The following FOXN3 variants were observed in gnomAD, a reference collection of about 807,000 sequenced individuals.
The protein encoded by FOXN3 is forkhead box N3, also known as forkhead box protein N3.
FOXN3 carries 7 observed loss-of-function variants against 38.4 expected under a neutral mutation model. The ratio of observed to expected loss-of-function variants is 0.18; its 90% CI spans 0.10 to 0.34. FOXN3 has a LOEUF of 0.34. Ranked by LOEUF, FOXN3 falls within the 10% of genes least tolerant of loss-of-function variation. The pLI, the probability that FOXN3 is intolerant of heterozygous loss-of-function variation, is 1.00. For synonymous variants in FOXN3, 230 were observed against 242.2 expected (o/e 0.95, Z 0.47); for missense variants, 456 against 613.4 (o/e 0.74, Z 2.71).
Position 89,274,114 on chromosome 14 carries a change from G to GAA in FOXN3, c.745+6834_745+6835dup, listed in dbSNP as rs1596146463. Among the ~76,000 whole-genome samples, 5 of 152,260 alleles carry GAA rather than the reference G, an allele frequency of 3.3e-5. No individual in the cohort carries two copies. The East Asian group carries it at 9.7e-4, about 30-fold the overall frequency. On this transcript the variant is annotated intron_variant, in intron 4 of 5. Transcript: ENST00000557258. ...GGGGCTTCAAGCTCCAACCAAATGG[G>GAA]AAAGCAATGAGTGGGCGAGGGTCAG...
intron 1 of FOXN3, among the ~76,000 whole-genome samples, chr14:89,497,857 C>T (rs545895712): frequency 2.0e-5 from 3 of 152,232 alleles, no homozygotes; most frequent in East Asian, 1.9e-4. Context: ...ATTCCTACAG[C>T]GGTGTCCAAG....
chr14:89,337,636 C>CT (rs5810454), intron 3 of FOXN3, among the ~76,000 whole-genome samples: 2,725 of 144,802 alleles, frequency 0.019, 92 homozygotes, highest in African/African-American at 0.064. Flanking sequence ...CTTTTCTTTT[C>CT]TTTTTTTTTT....
intron 3 of FOXN3, among the ~76,000 whole-genome samples, chr14:89,324,439 TGTGC>T (rs1309090918): frequency 1.8e-4 from 20 of 110,412 alleles, no homozygotes; most frequent in African/African-American, 6.3e-4. Context: ...CAGCTAAGTG[TGTGC>T]GTGTGTGTGT....
At chr14:89,315,572 C>A (rs1028077121) in intron 3 of FOXN3, among the ~76,000 whole-genome samples, 1 of 152,108 alleles carries the variant, frequency 6.6e-6, no homozygotes, top group Admixed American at 6.6e-5. Context: ...GTCCACAGCA[C>A]GGTTAGAGGA....
intron 3 of FOXN3, among the ~76,000 whole-genome samples, chr14:89,339,546 G>A (rs1405987765): frequency 6.6e-6 from 1 of 152,196 alleles, no homozygotes; most frequent in African/African-American, 2.4e-5. Flanking sequence ...CAATGCTGGG[G>A]AGGCAGAAGG....
intron 3 of FOXN3, among the ~76,000 whole-genome samples, chr14:89,332,727 T>C (rs1566958892): frequency 6.6e-6 from 1 of 152,188 alleles, no homozygotes; most frequent in Non-Finnish European, 1.5e-5. Flanking sequence ...AAAAAGTTTT[T>C]TGTACAGCAA....
chr14:89,222,273 T>G (rs1169999135), intron 4 of FOXN3, among the ~76,000 whole-genome samples: 1 of 152,146 alleles, frequency 6.6e-6, no homozygotes, highest in Non-Finnish European at 1.5e-5. Flanking sequence ...CAACTAAAGC[T>G]GGGAATATAC....
At chr14:89,469,242 G>A (rs1893043784) in intron 1 of FOXN3, among the ~76,000 whole-genome samples, 1 of 152,112 alleles carries the variant, frequency 6.6e-6, no homozygotes, top group Non-Finnish European at 1.5e-5. Flanking sequence ...ACCCTAAGAT[G>A]CCCAGACCCA....
intron 5 of FOXN3, among the ~76,000 whole-genome samples, chr14:89,173,517 T>C (rs1228873054): frequency 6.6e-6 from 1 of 152,204 alleles, no homozygotes; most frequent in Non-Finnish European, 1.5e-5. Flanking sequence ...GCTTGTAATA[T>C]CAAAGAACTA....
intron 4 of FOXN3, among the ~76,000 whole-genome samples, chr14:89,276,875 T>C (rs1886315704): frequency 6.6e-6 from 1 of 152,170 alleles, no homozygotes; most frequent in African/African-American, 2.4e-5. Flanking sequence ...AAGTAGGATA[T>C]AAAATCAGCA....
intron 2 of FOXN3, among the ~76,000 whole-genome samples, chr14:89,388,534 C>G (rs1235329775): frequency 6.6e-6 from 1 of 152,114 alleles, no homozygotes; most frequent in Non-Finnish European, 1.5e-5. Context: ...ACCTCTGGAG[C>G]CCCCTGCACA....
intron 1 of FOXN3, among the ~76,000 whole-genome samples, chr14:89,556,210 C>G (rs1358592762): frequency 6.6e-6 from 1 of 151,970 alleles, no homozygotes; most frequent in African/African-American, 2.4e-5. Flanking sequence ...TTGAGACCAG[C>G]CTGACCAACA....
intron 4 of FOXN3, among the ~76,000 whole-genome samples, chr14:89,194,951 T>TA (rs1331154245): frequency 6.6e-6 from 1 of 152,208 alleles, no homozygotes; most frequent in African/African-American, 2.4e-5. Flanking sequence ...TCCTGCAACT[T>TA]AAAATTTTTT....
chr14:89,380,249 A>G (rs759194456), intron 2 of FOXN3, among the ~76,000 whole-genome samples: 2 of 152,194 alleles, frequency 1.3e-5, no homozygotes, highest in Non-Finnish European at 2.9e-5. Context: ...TCTCTTTGCC[A>G]GCCACCATGT....
chr14:89,601,470 A>T (rs537529346), intron 1 of FOXN3, among the ~76,000 whole-genome samples: 5 of 152,370 alleles, frequency 3.3e-5, no homozygotes, highest in African/African-American at 1.2e-4. Flanking sequence ...AATTTAACTT[A>T]GGTCCATATG....
At chr14:89,387,419 T>C (rs1214991087) in intron 2 of FOXN3, among the ~76,000 whole-genome samples, 2 of 152,142 alleles carry the variant, frequency 1.3e-5, no homozygotes, top group Non-Finnish European at 2.9e-5. Flanking sequence ...TAAACAGCCA[T>C]GTGAGAAAGG....
chr14:89,526,751 A>G (rs1377574973), intron 1 of FOXN3, among the ~76,000 whole-genome samples: 1 of 152,202 alleles, frequency 6.6e-6, no homozygotes, highest in African/African-American at 2.4e-5. Context: ...AAGCTGACTG[A>G]CAATTCATAT....
At chr14:89,220,831 G>T (rs1318308031) in intron 4 of FOXN3, among the ~76,000 whole-genome samples, 1 of 152,088 alleles carries the variant, frequency 6.6e-6, no homozygotes, top group African/African-American at 2.4e-5. Flanking sequence ...AGAAAGCAAA[G>T]ATTAGCTCCA....
rs566312671 is a variant in FOXN3, at chr14:89,191,948, G to GTATATATATATATATATATATA, written c.746-11143_746-11142insTATATATATATATATATATATA. ...CAGTCACCATTTCCCACTGATATTAGTATATATATATATACACATATATAT... is the reference window on the plus strand; with the variant it reads ...CAGTCACCATTTCCCACTGATATTAGTATATATATATATATATATATATATATATATATATACACATATATAT... On this transcript the variant is annotated intron_variant, in intron 4 of 5. Coordinates refer to ENST00000557258, the MANE Select transcript of FOXN3 (RefSeq NM_005197.4). Among the ~76,000 whole-genome samples the GTATATATATATATATATATATA allele has an allele frequency of 9.3e-4, 110 of 117,892 alleles. 1 individual carries two copies. Among genetic ancestry groups the GTATATATATATATATATATATA allele is most frequent in the African/African-American group, 4.8e-3 (102 of 21,428 alleles). The allele number at this position is 117,892 out of a possible 152,430, so 77.3% of individuals were successfully genotyped here.
Sources: allele counts gnomAD v4.1 joint callset (sites outside exome capture counted in the v4.1 genomes callset), GRCh38; gene constraint gnomAD v4.1.1; transcripts MANE v1.5; gene names NCBI Gene and HGNC (gene_info 2026-07-23, HGNC 2026-07-21).